Variants in C2CD5 observed in about 807,000 individuals in gnomAD.
C2CD5 encodes C2 calcium dependent domain containing 5.
Under a neutral mutation model 130.3 loss-of-function variants are expected in C2CD5, and 109 were observed. The observed-to-expected ratio is 0.84, with a 90% CI of 0.72 to 0.98. C2CD5 has a LOEUF of 0.98. Ranked by LOEUF, C2CD5 falls within the 50% of genes least tolerant of loss-of-function variation. The probability of loss-of-function intolerance (pLI) is 0.00; values close to 1 mark genes in which losing one functional copy is unlikely to be tolerated. For missense variants in C2CD5, 996 were observed against 1,261.8 expected (o/e 0.79, Z 3.19); for synonymous variants, 454 against 429.2 (o/e 1.06, Z -0.71).
In C2CD5 at chr12:22,458,488, C is replaced by CT. The variant is rs1940427429; in HGVS notation, c.2681dup (p.Thr895AspfsTer6). ...GTGGTAGAAACATCCGCCTACTTGT[C>CT]TTAATTGATCCACGCCTTATGGTCT... On this transcript the variant is annotated frameshift_variant, in exon 24 of 27. Coordinates refer to ENST00000446597, the MANE Select transcript of C2CD5 (RefSeq NM_001286176.2). LOFTEE classifies it high-confidence loss of function. 8.0e-7 allele frequency: 1 copy of CT among 1,253,746 alleles called. No homozygotes were observed. The highest frequency in any genetic ancestry group is 1.5e-5 in the African/African-American group (1 of 64,974). The allele number at this position is 1,253,746 out of a possible 1,614,324, so 77.7% of individuals were successfully genotyped here. A position where few individuals can be genotyped will look rare whatever the true frequency, so the allele number is the denominator to read the frequency against.
chr12:22,519,233 C>T (rs996890876), intron 7 of C2CD5: 13 of 1,535,188 alleles, frequency 8.5e-6, no homozygotes, highest in African/African-American at 5.5e-5. Context: ...GATGAACCAG[C>T]GGAGACCTGA....
chr12:22,539,370 T>G (rs990498652), intron 2 of C2CD5, among the ~76,000 whole-genome samples: 1 of 152,064 alleles, frequency 6.6e-6, no homozygotes, highest in Non-Finnish European at 1.5e-5. Flanking sequence ...AATCTCAGTT[T>G]CCTTCCTCTA....
At chr12:22,484,171 TG>T (rs1159252260) in intron 13 of C2CD5, among the ~76,000 whole-genome samples, 3 of 152,250 alleles carry the variant, frequency 2.0e-5, no homozygotes, top group African/African-American at 7.2e-5. Context: ...TAATTAATGG[TG>T]TCACTATTGC....
chr12:22,527,728 G>T lies in C2CD5; in HGVS notation c.342C>A (p.Thr114=). Residue 114 remains threonine (T), a synonymous_variant, in exon 4 of 27, where the codon ACC becomes ACA. Coordinates refer to ENST00000446597, the MANE Select transcript of C2CD5 (RefSeq NM_001286176.2). ...VISGWFPIYD[T]IHGIRGEINV... ...TTTCTTATTATTCCTTACCATGTAT[G>T]GTGTCATAAATTGGAAACCATCCTG... 6.5e-7 allele frequency: 1 copy of T among 1,531,954 alleles called. No individual in the cohort carries two copies. Among genetic ancestry groups the T allele is most frequent in the South Asian group, 1.2e-5 (1 of 84,496 alleles). The allele number at this position is 1,531,954 out of a possible 1,614,324, so 94.9% of individuals were successfully genotyped here.
At chr12:22,513,199 C>A in intron 9 of C2CD5, 95 bp downstream of exon 9, 1 of 906,440 alleles carries the variant, frequency 1.1e-6, no homozygotes, top group Non-Finnish European at 1.8e-6. Flanking sequence ...GATATGTAAC[C>A]AAAACAGTTC....
chr12:22,512,500 C>T (rs2136857150), intron 9 of C2CD5: 2 of 541,398 alleles, frequency 3.7e-6, no homozygotes, highest in South Asian at 2.8e-5. Flanking sequence ...TCTCACAGTG[C>T]TATTAAATAA....
chr12:22,472,850 T>C (rs1265174895), intron 16 of C2CD5, 43 bp from the exon 17 acceptor site: 3 of 1,033,878 alleles, frequency 2.9e-6, no homozygotes, highest in African/African-American at 3.2e-5. Flanking sequence ...AGTAAATGCA[T>C]AATTATTTCA....
At position 22,484,781 on chromosome 12, in the gene C2CD5, T is replaced by C. The variant is rs761251947; in HGVS notation, c.1466A>G (p.Gln489Arg). Residue 489 changes from glutamine to arginine, a missense_variant, in exon 13 of 27, where the codon CAA becomes CGA. By Grantham distance (43) the Gln-to-Arg change is conservative. Around this residue, in one of 9 missense-constraint regions of C2CD5, gnomAD observed 590 missense variants for 631.4 expected, o/e 0.93. Transcript: ENST00000446597. ...HLTYCYNCRKQKVPDVLFTTI... is the reference protein window; with the variant it reads ...HLTYCYNCRKRKVPDVLFTTI... ...TGTAAACAGAACATCAGGAACTTTT[T>C]GTTTCCTGCAGTTATAGCAATATGT... 1.2e-4 allele frequency: 198 copies of C among 1,609,564 alleles called. No homozygotes were observed. The highest frequency in any genetic ancestry group is 1.7e-4 in the Non-Finnish European group (195 of 1,176,736).
chr12:22,481,718 G>A (rs1944743481), intron 14 of C2CD5, among the ~76,000 whole-genome samples: 1 of 134,848 alleles, frequency 7.4e-6, no homozygotes, highest in Non-Finnish European at 1.5e-5. Context: ...GCAGTGATGT[G>A]ATCAGGGTTC....
At chr12:22,469,345 T>G (rs763665269) in intron 22 of C2CD5, among the ~76,000 whole-genome samples, 1 of 152,086 alleles carries the variant, frequency 6.6e-6, no homozygotes, top group Non-Finnish European at 1.5e-5. Context: ...AATCCAAAAC[T>G]TTTTGTGAAG....
chr12:22,523,566 C>T lies in C2CD5; in HGVS notation c.660G>A (p.Val220=), dbSNP rs1160417119. ...KVLEMRGNAV[V]GYLQCFDLEG... ...CCAGATCGAAACACTGTAAGTACCC[C>T]ACAACTGCATTTCCTCTCATTTCAA... Residue 220 remains valine, a synonymous_variant, in exon 7 of 27, where the codon GTG becomes GTA. Coordinates refer to ENST00000446597, the MANE Select transcript of C2CD5 (RefSeq NM_001286176.2). 9.9e-6 allele frequency: 16 copies of T among 1,613,906 alleles called. No individual in the cohort carries two copies. The highest frequency in any genetic ancestry group is 1.4e-5 in the Non-Finnish European group (16 of 1,179,972).
intron 3 of C2CD5, chr12:22,534,680 A>C (rs1308719933): frequency 6.6e-6 from 1 of 152,390 alleles, no homozygotes; most frequent in African/African-American, 2.4e-5. Context: ...CAACAGGACA[A>C]GTATTATATG....
At chr12:22,525,924 T>C (rs1484099080) in intron 4 of C2CD5, among the ~76,000 whole-genome samples, 2 of 152,186 alleles carry the variant, frequency 1.3e-5, no homozygotes, top group Admixed American at 6.5e-5. Flanking sequence ...AAAATAGTCT[T>C]TGTTTTAGTT....
rs200771163 is a variant in C2CD5, at chr12:22,449,793, C to T, written c.3123G>A (p.Gln1041=). 3.7e-6 allele frequency: 6 copies of T among 1,608,620 alleles called. No homozygotes were observed. In the South Asian group the frequency reaches 5.5e-5, roughly 15 times the overall value. ...TAACTTCGCCTTCAGTACATGATGA[C>T]TGGCAGTTGGTAGTAGGTTGCTGAG... The part of the protein sequence containing the change: ...VSSQQPTTNC[Q]SSCTEGEVTT Residue 1041 remains glutamine, a synonymous_variant, in exon 27 of 27, where the codon CAG becomes CAA. Transcript: ENST00000446597.
chr12:22,499,227 CTT>C (rs1433632369), intron 10 of C2CD5, among the ~76,000 whole-genome samples: 2 of 152,112 alleles, frequency 1.3e-5, no homozygotes, highest in Non-Finnish European at 2.9e-5. Flanking sequence ...CTTTCTTTCT[CTT>C]GTCTTGAAAG....
intron 11 of C2CD5, 70 bp from the exon 12 acceptor site, chr12:22,490,288 AAAATAATT>A (rs531050947): frequency 2.4e-5 from 24 of 1,017,340 alleles, no homozygotes; most frequent in Non-Finnish European, 3.3e-5. Context: ...GCTAAATATC[AAAATAATT>A]ATAACAGTGA....
chr12:22,489,368 G>A (rs1044038389), intron 12 of C2CD5, among the ~76,000 whole-genome samples: 3 of 151,542 alleles, frequency 2.0e-5, no homozygotes, highest in Admixed American at 2.0e-4. Context: ...CCATGGGTTT[G>A]GCATGTATGG....
At chr12:22,467,181 G>GT (rs57130635) in intron 22 of C2CD5, among the ~76,000 whole-genome samples, 3,229 of 151,800 alleles carry the variant, frequency 0.021, 107 homozygotes, top group African/African-American at 0.073. Context: ...TTTTTATTCT[G>GT]TTTTTTTTGA....
chr12:22,455,408 T>C (rs1049488879), intron 25 of C2CD5, among the ~76,000 whole-genome samples: 37 of 152,142 alleles, frequency 2.4e-4, no homozygotes, highest in African/African-American at 8.9e-4. Flanking sequence ...GAAAACCTAC[T>C]AAGAAGCAAC....
Sources: allele counts gnomAD v4.1 joint callset (sites outside exome capture counted in the v4.1 genomes callset), GRCh38; gene constraint gnomAD v4.1.1; regional missense constraint gnomAD v4.1.1; transcripts MANE v1.5; gene names NCBI Gene and HGNC (gene_info 2026-07-23, HGNC 2026-07-21).